Variants in SYCP2L observed in about 807,000 individuals in gnomAD.
The protein encoded by SYCP2L is synaptonemal complex protein 2 like.
A neutral mutation model predicts 125.8 loss-of-function variants in SYCP2L; 98 were observed. That is an observed-to-expected ratio of 0.78 (90% CI 0.66 to 0.92). SYCP2L has a LOEUF of 0.92. Among genes scored for constraint, SYCP2L ranks in the 40% least tolerant of loss-of-function variants. The pLI is 0.00. For synonymous variants in SYCP2L, 317 were observed against 325.4 expected, an observed-to-expected ratio of 0.97 and a Z score of 0.28; for missense variants, 842 against 936.4, an observed-to-expected ratio of 0.90 and a Z score of 1.32.
chr6:10,900,127 A>G (rs913057164), intron 6 of SYCP2L, among the ~76,000 whole-genome samples: 2 of 152,204 alleles, frequency 1.3e-5, no homozygotes, highest in Non-Finnish European at 2.9e-5. Context: ...TGTTAGTCCA[A>G]TTAGGCTGCC....
chr6:10,912,832 T>C lies in SYCP2L; in HGVS notation c.1012-35T>C, dbSNP rs754709963. 1 of 1,611,626 alleles carries C rather than the reference T, an allele frequency of 6.2e-7. No individual in the cohort carries two copies. Among genetic ancestry groups the C allele is most frequent in the Non-Finnish European group, 8.5e-7 (1 of 1,178,030 alleles). On this transcript the variant is annotated intron_variant, in intron 13 of 29. Transcript: ENST00000283141. The surrounding 1 kb of genome is among the most constrained non-coding windows in gnomAD (Gnocchi z 4.1). Reference sequence around the variant, plus strand: ...ATCTTTTTTATGTAAGTATGTGTTTTGCACTCATGAATTTCACTTATTTAT... The same window carrying C: ...ATCTTTTTTATGTAAGTATGTGTTTCGCACTCATGAATTTCACTTATTTAT...
At chr6:10,927,212 A>AT in intron 16 of SYCP2L, 28 bp from the exon 17 acceptor site, 1 of 1,613,358 alleles carries the variant, frequency 6.2e-7, no homozygotes. Flanking sequence ...CACGGTTATT[A>AT]TATTAGTCTT....
intron 8 of SYCP2L, 121 bp from the exon 9 acceptor site, chr6:10,905,899 A>G: frequency 1.6e-6 from 1 of 637,456 alleles, no homozygotes; most frequent in Non-Finnish European, 2.7e-6. Context: ...GGAAATTTTG[A>G]TGCTGAATTT....
intron 14 of SYCP2L, among the ~76,000 whole-genome samples, chr6:10,920,205 TTTTTG>T (rs1780769987): frequency 6.6e-6 from 1 of 152,148 alleles, no homozygotes. Context: ...TTAGAATTTC[TTTTTG>T]TTTTGTTTGG....
At chr6:10,971,407 G>A (rs1166684296) in intron 29 of SYCP2L, among the ~76,000 whole-genome samples, 1 of 147,126 alleles carries the variant, frequency 6.8e-6, no homozygotes, top group Admixed American at 6.9e-5. Flanking sequence ...GCAGTGAGCC[G>A]AGATCGTGCC....
chr6:10,897,506 GGGTC>G (rs1447399983), intron 4 of SYCP2L, among the ~76,000 whole-genome samples: 3 of 151,716 alleles, frequency 2.0e-5, no homozygotes, highest in African/African-American at 7.3e-5. Context: ...TGACCTTCTG[GGGTC>G]AAGTGATCCT....
At chr6:10,968,557 G>A (rs1339518096) in intron 29 of SYCP2L, among the ~76,000 whole-genome samples, 2 of 152,122 alleles carry the variant, frequency 1.3e-5, no homozygotes, top group Non-Finnish European at 2.9e-5. Context: ...TGTCAGGGGA[G>A]GTGGTACCTT....
In SYCP2L at chr6:10,954,619, G is replaced by A. The variant is rs1047147762; in HGVS notation, c.1955-497G>A. Among the ~76,000 whole-genome samples the A allele has an allele frequency of 1.3e-5, 2 of 152,182 alleles. No homozygotes were observed. The highest frequency in any genetic ancestry group is 2.4e-5 in the African/African-American group (1 of 41,446). The stretch of plus-strand genomic sequence containing the variant: ...TGAATTGAAATGGGAATCTATGTTC[G>A]AGTCTCTCAAAATCACTTGAGCTGT... On this transcript the variant is annotated intron_variant, in intron 23 of 29. Coordinates refer to ENST00000283141, the MANE Select transcript of SYCP2L (RefSeq NM_001040274.3). The surrounding 1 kb of genome is among the most constrained non-coding windows in gnomAD (Gnocchi z 4.8).
At chr6:10,896,266 C>A (rs957740034) in intron 4 of SYCP2L, among the ~76,000 whole-genome samples, 1 of 152,206 alleles carries the variant, frequency 6.6e-6, no homozygotes, top group Non-Finnish European at 1.5e-5. Context: ...TGTCTGGCTT[C>A]TGTAGTGATA....
At chr6:10,934,224 G>C (rs968859094) in intron 20 of SYCP2L, among the ~76,000 whole-genome samples, 1 of 152,202 alleles carries the variant, frequency 6.6e-6, no homozygotes, top group African/African-American at 2.4e-5. Context: ...ATTTGCAAAT[G>C]TCTTTAAGGT....
chr6:10,967,454 G>GGTGTGTGTGTGTGTGTGTGTGTGT, intron 29 of SYCP2L, among the ~76,000 whole-genome samples: 1 of 138,916 alleles, frequency 7.2e-6, no homozygotes, highest in East Asian at 2.1e-4. Context: ...TGGGGTAGAG[G>GGTGTGTGTGTGTGTGTGTGTGTGT]GTGTGTGTGT....
chr6:10,914,983 T>C (rs1780666577), intron 14 of SYCP2L, among the ~76,000 whole-genome samples: 1 of 152,092 alleles, frequency 6.6e-6, no homozygotes, highest in Non-Finnish European at 1.5e-5. Context: ...TGACCTCAGG[T>C]GATCCGCCCA....
intron 1 of SYCP2L, among the ~76,000 whole-genome samples, chr6:10,890,938 CTT>C (rs1161559700): frequency 6.6e-6 from 1 of 152,160 alleles, no homozygotes; most frequent in Non-Finnish European, 1.5e-5. Flanking sequence ...AAGAGACTGT[CTT>C]TTCCCCATGA....
At position 10,935,080 on chromosome 6, in the gene SYCP2L, A is replaced by T. The variant is rs1204226976; in HGVS notation, c.1706A>T (p.Glu569Val). ...KDQAKLLSPS[E>V]KEIPEQNNTT... is the part of the protein sequence containing the mutation. ...TAGGCTAAGCTTCTATCACCATCAGAGAAAGAAATACCCGAGCAAAATAAC... is the reference window on the plus strand; with the variant it reads ...TAGGCTAAGCTTCTATCACCATCAGTGAAAGAAATACCCGAGCAAAATAAC... Residue 569 changes from glutamate to valine, a missense_variant, in exon 21 of 30, where the codon GAG becomes GTG. Glu to Val is a moderately radical substitution (Grantham distance 121). Transcript: ENST00000283141. 3 of 1,610,596 alleles carry T rather than the reference A, an allele frequency of 1.9e-6. No homozygotes were observed. Among genetic ancestry groups the T allele is most frequent in the Admixed American group, 1.7e-5 (1 of 59,678 alleles).
intron 1 of SYCP2L, 74 bp from the exon 2 acceptor site, chr6:10,891,433 TTTTTTG>T: frequency 1.1e-6 from 1 of 872,090 alleles, no homozygotes; most frequent in Non-Finnish European, 1.7e-6. Flanking sequence ...TTTTTTTTTT[TTTTTTG>T]CTTTGTGTTT....
At chr6:10,968,642 T>C (rs1278129374) in intron 29 of SYCP2L, among the ~76,000 whole-genome samples, 10 of 152,160 alleles carry the variant, frequency 6.6e-5, no homozygotes, top group Non-Finnish European at 7.3e-5. Context: ...TGTTTGCTGC[T>C]GACAGATTGA....
chr6:10,922,869 A>T (rs1307729065), intron 14 of SYCP2L: 1 of 152,198 alleles, frequency 6.6e-6, no homozygotes, highest in Non-Finnish European at 1.5e-5. Flanking sequence ...AGATTAAAAA[A>T]GTAGATTAAG....
chr6:10,935,650 A>G (rs2113366739), intron 21 of SYCP2L, among the ~76,000 whole-genome samples: 1 of 151,804 alleles, frequency 6.6e-6, no homozygotes, highest in South Asian at 2.1e-4. Context: ...TCAGCCTCCC[A>G]TGCCCGGCTA....
intron 23 of SYCP2L, among the ~76,000 whole-genome samples, chr6:10,948,641 C>T (rs529788069): frequency 2.6e-5 from 4 of 151,880 alleles, no homozygotes; most frequent in African/African-American, 9.7e-5. Context: ...ATGAGCTTTA[C>T]ATCTACACTC....
Sources: allele counts gnomAD v4.1 joint callset (sites outside exome capture counted in the v4.1 genomes callset), GRCh38; gene constraint gnomAD v4.1.1; non-coding constraint Gnocchi (gnomAD v3.1); transcripts MANE v1.5; gene names NCBI Gene and HGNC (gene_info 2026-07-23, HGNC 2026-07-21).